Variants in RAD51AP2 observed in about 807,000 individuals in gnomAD.
RAD51AP2 encodes the protein RAD51 associated protein 2, also known as RAD51-associated protein 2.
RAD51AP2 carries 67 observed loss-of-function variants against 85.5 expected under a neutral mutation model. That is an observed-to-expected ratio of 0.78 (90% CI 0.64 to 0.96). RAD51AP2 has a LOEUF of 0.96. RAD51AP2 is among the 40% of genes least tolerant of loss of function. The pLI is 0.00. For synonymous variants in RAD51AP2, 474 were observed against 446.5 expected, an observed-to-expected ratio of 1.06 and a Z score of -0.78; for missense variants, 1,307 against 1,332.4, an observed-to-expected ratio of 0.98 and a Z score of 0.30.
the RAD51AP2 span, among the ~76,000 whole-genome samples, chr2:17,530,307 C>T: frequency 6.6e-6 from 1 of 152,058 alleles, no homozygotes; most frequent in East Asian, 1.9e-4. Flanking sequence ...ATCTTAACTC[C>T]CTTAATGTTC....
chr2:17,517,531 G>A lies in RAD51AP2; in HGVS notation c.885C>T (p.Asn295=). The change falls in exon 1 of 3, where the codon AAC becomes AAT. Residue 295 remains asparagine (N), a synonymous_variant. Coordinates refer to ENST00000399080, the MANE Select transcript of RAD51AP2 (RefSeq NM_001099218.3). ...KKEAYVRDFT[N]IYWSQNRPDV... ...CAGGTCTATTTTGGGACCAGTAAAT[G>A]TTTGTGAAATCCCTAACATATGCCT... 6.2e-7 allele frequency: 1 copy of A among 1,613,602 alleles called. No homozygotes were observed. The highest frequency in any genetic ancestry group is 8.5e-7 in the Non-Finnish European group (1 of 1,179,840).
At chr2:17,535,077 C>G in the RAD51AP2 span, among the ~76,000 whole-genome samples, 1 of 152,152 alleles carries the variant, frequency 6.6e-6, no homozygotes, top group Non-Finnish European at 1.5e-5. Context: ...TTCATATATA[C>G]TATCTCAGTT....
chr2:17,523,422 C>T (rs1662898865), upstream of RAD51AP2, among the ~76,000 whole-genome samples: 1 of 151,470 alleles, frequency 6.6e-6, no homozygotes, highest in South Asian at 2.1e-4. Context: ...CAGATCAGAG[C>T]TTTTTTTTCT....
At chr2:17,518,935 A>G (rs1476912228), upstream of RAD51AP2, among the ~76,000 whole-genome samples, 1 of 152,134 alleles carries the variant, frequency 6.6e-6, no homozygotes. Flanking sequence ...CTGTGTATGG[A>G]AAAACTTTTT....
chr2:17,522,680 C>A (rs1025899198), upstream of RAD51AP2, among the ~76,000 whole-genome samples: 3 of 151,868 alleles, frequency 2.0e-5, no homozygotes, highest in African/African-American at 7.2e-5. Flanking sequence ...GCAAATAACA[C>A]CTTTTTTAAA....
chr2:17,524,840 C>A, the RAD51AP2 span, among the ~76,000 whole-genome samples: 1 of 151,594 alleles, frequency 6.6e-6, no homozygotes, highest in Non-Finnish European at 1.5e-5. Context: ...TGTGAAAATT[C>A]GGGGAGGGAT....
Position 17,517,080 on chromosome 2 carries a change from A to C in RAD51AP2, c.1336T>G (p.Tyr446Asp). The C allele has an allele frequency of 1.2e-6, 2 of 1,612,898 alleles. No individual in the cohort carries two copies. The highest frequency in any genetic ancestry group is 1.7e-6 in the Non-Finnish European group (2 of 1,179,528). Residue 446 changes from tyrosine to aspartate, a missense_variant, in exon 1 of 3, where the codon TAC becomes GAC. This residue lies in a region of RAD51AP2 where 635 missense variants were observed against 643.6 expected (regional missense o/e 0.99). Coordinates refer to ENST00000399080, the MANE Select transcript of RAD51AP2 (RefSeq NM_001099218.3). Reference sequence around the variant, plus strand: ...GCATTGATGACTTTTGCACAGTGGTAATCTTCCTTGCTTAAAAGGTCTATT... The same window carrying C: ...GCATTGATGACTTTTGCACAGTGGTCATCTTCCTTGCTTAAAAGGTCTATT... ...LEIDLLSKED[Y>D]HCAKVINAYE...
the RAD51AP2 span, among the ~76,000 whole-genome samples, chr2:17,536,025 A>AC: frequency 6.6e-6 from 1 of 151,904 alleles, no homozygotes; most frequent in Non-Finnish European, 1.5e-5. Context: ...TGGTTAAAAA[A>AC]AAAAAAGTGG....
upstream of RAD51AP2, among the ~76,000 whole-genome samples, chr2:17,521,518 C>T (rs1415075939): frequency 6.6e-6 from 1 of 151,842 alleles, no homozygotes; most frequent in Non-Finnish European, 1.5e-5. Context: ...GAACCACTAA[C>T]AAAAATATTT....
rs754850219 is a variant in RAD51AP2 at position 17,517,803 on chromosome 2, A to G, written c.613T>C (p.Phe205Leu). The G allele has an allele frequency of 1.2e-6, 2 of 1,614,128 alleles. No homozygotes were observed. The highest frequency in any genetic ancestry group is 1.7e-6 in the Non-Finnish European group (2 of 1,179,978). Residue 205 changes from phenylalanine (F) to leucine (L), a missense_variant, in exon 1 of 3, where the codon TTT (phenylalanine) becomes CTT (leucine). This residue lies in a region of RAD51AP2 where 635 missense variants were observed against 643.6 expected (regional missense o/e 0.99). Transcript: ENST00000399080. ...TTACATCTGTTCTTAATTTCATGAAATGGTGATTTAGTTTCCTTGTAAAAG... is the reference window on the plus strand; with the variant it reads ...TTACATCTGTTCTTAATTTCATGAAGTGGTGATTTAGTTTCCTTGTAAAAG... ...VTFYKETKSP[F>L]HEIKNRCKAN...
chr2:17,517,392 T>C lies in RAD51AP2; in HGVS notation c.1024A>G (p.Arg342Gly). Residue 342 changes from arginine (R) to glycine (G), a missense_variant, in exon 1 of 3, where the codon AGA becomes GGA. Physicochemically the swap from Arg to Gly is moderately radical, Grantham distance 125 (BLOSUM62 -2). Transcript: ENST00000399080. ...PSLSSQNTCK[R>G]KDLISSNYCN... ...TAGTTTGAACTGATCAAGTCTTTTC[T>C]CTTACAAGTATTTTGGCTACTGAGT... The C allele has an allele frequency of 5.0e-6, 8 of 1,613,802 alleles. No individual in the cohort carries two copies. Among genetic ancestry groups the C allele is most frequent in the Non-Finnish European group, 6.8e-6 (8 of 1,179,900 alleles).
chr2:17,532,331 C>G, the RAD51AP2 span, among the ~76,000 whole-genome samples: 2 of 152,106 alleles, frequency 1.3e-5, no homozygotes, highest in East Asian at 3.9e-4. Context: ...CTTCTAGCTT[C>G]TTGTTGTTGC....
chr2:17,510,748 T>C lies in RAD51AP2; in HGVS notation c.*56A>G. 1 of 1,262,724 alleles carries C rather than the reference T, an allele frequency of 7.9e-7. No homozygotes were observed. Among genetic ancestry groups the C allele is most frequent in the Non-Finnish European group, 1.1e-6 (1 of 930,580 alleles). The allele number at this position is 1,262,724 out of a possible 1,614,324, so 78.2% of individuals were successfully genotyped here. A position where few individuals can be genotyped will look rare whatever the true frequency, so the allele number is the denominator to read the frequency against. ...CAAACCCCCAAGCTGGAAGAACATA[T>C]ATCCAAAGAAAACAAAACATTTCTA... On this transcript the variant is annotated 3_prime_UTR_variant, in exon 3 of 3. Coordinates refer to ENST00000399080, the MANE Select transcript of RAD51AP2 (RefSeq NM_001099218.3).
At chr2:17,521,050 C>T (rs1166698449), upstream of RAD51AP2, among the ~76,000 whole-genome samples, 1 of 152,032 alleles carries the variant, frequency 6.6e-6, no homozygotes, top group Non-Finnish European at 1.5e-5. Context: ...TATATGTCCC[C>T]TCCACTAGGC....
Position 17,516,303 on chromosome 2 carries a change from C to A in RAD51AP2, c.2113G>T (p.Glu705Ter), listed in dbSNP as rs919540661. 5 of 1,605,680 alleles carry A rather than the reference C, an allele frequency of 3.1e-6. No homozygotes were observed. The highest frequency in any genetic ancestry group is 4.2e-6 in the Non-Finnish European group (5 of 1,177,854). Reference protein sequence around the residue: ...DDMDEISLIREITCQNMSCPQ... With the variant: ...DDMDEISLIR The stretch of plus-strand genomic sequence containing the variant: ...CAACTCATATTCTGACAAGTAATTT[C>A]TCTTATTAAAGAAATTTCATCCATG... Residue 705 changes from glutamate to a stop codon, truncating the protein, a stop_gained, in exon 1 of 3, where the codon GAA becomes TAA. Transcript: ENST00000399080. LOFTEE classifies it high-confidence loss of function.
the RAD51AP2 span, among the ~76,000 whole-genome samples, chr2:17,528,773 G>A: frequency 6.6e-6 from 1 of 152,270 alleles, no homozygotes; most frequent in East Asian, 1.9e-4. Flanking sequence ...GCCGGGAGAG[G>A]TCGGAGGATG....
chr2:17,537,710 C>A, the RAD51AP2 span, among the ~76,000 whole-genome samples: 617 of 152,242 alleles, frequency 4.1e-3, 32 homozygotes, highest in East Asian at 0.1. Context: ...AATTCGTCCA[C>A]GTCACAAAGC....
chr2:17,511,811 A>T (rs1662501292), intron 2 of RAD51AP2, among the ~76,000 whole-genome samples: 2 of 152,224 alleles, frequency 1.3e-5, no homozygotes, highest in African/African-American at 2.4e-5. Flanking sequence ...ATACAGAATT[A>T]AGCTACATGT....
At position 17,515,931 on chromosome 2, in the gene RAD51AP2, A is replaced by T. The variant is rs370600205; in HGVS notation, c.2485T>A (p.Tyr829Asn). Reference sequence around the variant, plus strand: ...ACTTCCTCTTTCAAAATTAAGTCATATTTTTTTTCTTCTATTTCACTTAGC... The same window carrying T: ...ACTTCCTCTTTCAAAATTAAGTCATTTTTTTTTTCTTCTATTTCACTTAGC... ...NLLSEIEEKKYDLILKEEVKV... is the reference protein window; with the variant it reads ...NLLSEIEEKKNDLILKEEVKV... Residue 829 changes from tyrosine (Y) to asparagine (N), a missense_variant, in exon 1 of 3, where the codon TAT (tyrosine) becomes AAT (asparagine). Physicochemically the swap from Tyr to Asn is moderately radical, Grantham distance 143 (BLOSUM62 -2). This residue lies in a region of RAD51AP2 where 668 missense variants were observed against 671.0 expected (regional missense o/e 1.00). Coordinates refer to ENST00000399080, the MANE Select transcript of RAD51AP2 (RefSeq NM_001099218.3). The T allele has an allele frequency of 8.9e-5, 143 of 1,602,366 alleles. No homozygotes were observed. In the South Asian group the frequency reaches 9.7e-4, roughly 11 times the overall value.
Sources: allele counts gnomAD v4.1 joint callset (sites outside exome capture counted in the v4.1 genomes callset), GRCh38; gene constraint gnomAD v4.1.1; regional missense constraint gnomAD v4.1.1; transcripts MANE v1.5; gene names NCBI Gene and HGNC (gene_info 2026-07-23, HGNC 2026-07-21).